Variants in NCEH1 observed in about 807,000 individuals in gnomAD.
NCEH1 encodes neutral cholesterol ester hydrolase 1, also known as 2-acetyl MAGE hydrolase.
In NCEH1, 9 loss-of-function variants were observed where a neutral mutation model predicts 25.4. That is an observed-to-expected ratio of 0.35 (90% CI 0.21 to 0.62). The LOEUF is 0.62. Ranked by LOEUF, NCEH1 falls within the 20% of genes least tolerant of loss-of-function variation. NCEH1 has a pLI of 0.72. For synonymous variants in NCEH1, 200 were observed against 199.8 expected (o/e 1.00, Z -0.01); for missense variants, 412 against 501.1 (o/e 0.82, Z 1.70).
rs754699748 is a variant in NCEH1, at chr3:172,648,149, G to A, written c.139-35C>T. 8.4e-5 allele frequency: 136 copies of A among 1,611,424 alleles called. 1 individual carries two copies. Among genetic ancestry groups the A allele is most frequent in the Admixed American group, 1.0e-4 (6 of 59,828 alleles). On this transcript the variant is annotated intron_variant, in intron 1 of 4. Transcript: ENST00000475381. The stretch of plus-strand genomic sequence containing the variant: ...GAGGGAGGAAATAAAGAGGGAGGGC[G>A]CACGTCAACTTGGCATCACCAGAGC...
chr3:172,670,615 G>A (rs1227373712), intron 1 of NCEH1, among the ~76,000 whole-genome samples: 1 of 152,126 alleles, frequency 6.6e-6, no homozygotes, highest in African/African-American at 2.4e-5. Context: ...ACATGCAAAT[G>A]AATAAAGCTA....
At chr3:172,656,085 T>C (rs991733688) in intron 1 of NCEH1, among the ~76,000 whole-genome samples, 1 of 152,176 alleles carries the variant, frequency 6.6e-6, no homozygotes, top group Non-Finnish European at 1.5e-5. Flanking sequence ...GGTGAACCTA[T>C]TAAGGACAGT....
chr3:172,658,840 CTTTTTT>C (rs33955977), intron 1 of NCEH1, among the ~76,000 whole-genome samples: 10 of 74,220 alleles, frequency 1.3e-4, no homozygotes, highest in Middle Eastern at 0.013. Flanking sequence ...AATTCCAAAA[CTTTTTT>C]TTTTTTTTTT....
chr3:172,706,554 A>AGTG (rs1445556923), intron 1 of NCEH1, among the ~76,000 whole-genome samples: 3 of 142,168 alleles, frequency 2.1e-5, no homozygotes, highest in Non-Finnish European at 4.5e-5. Flanking sequence ...GCTAGAGTGC[A>AGTG]GTGGCACCAT....
chr3:172,650,107 T>C (rs1228519771), intron 1 of NCEH1, among the ~76,000 whole-genome samples: 2 of 152,256 alleles, frequency 1.3e-5, no homozygotes, highest in East Asian at 3.8e-4. Context: ...CATCTCTCCA[T>C]GTTAGCTTAT....
At chr3:172,647,148 C>A (rs1346402758) in intron 2 of NCEH1, among the ~76,000 whole-genome samples, 1 of 151,886 alleles carries the variant, frequency 6.6e-6, no homozygotes, top group Non-Finnish European at 1.5e-5. Flanking sequence ...ATAAAAAAAA[C>A]AAGTTGCCAT....
At chr3:172,705,957 C>T (rs540490888) in intron 1 of NCEH1, among the ~76,000 whole-genome samples, 14 of 147,754 alleles carry the variant, frequency 9.5e-5, no homozygotes, top group African/African-American at 1.5e-4. Flanking sequence ...GAGATCACGC[C>T]ACTGCACTCC....
chr3:172,659,306 A>C (rs1717856889), intron 1 of NCEH1, among the ~76,000 whole-genome samples: 1 of 152,182 alleles, frequency 6.6e-6, no homozygotes, highest in Non-Finnish European at 1.5e-5. Flanking sequence ...AAGGCAGATT[A>C]ACAAGCAAGT....
At chr3:172,641,217 T>C (rs1281062203) in intron 3 of NCEH1, among the ~76,000 whole-genome samples, 2 of 135,828 alleles carry the variant, frequency 1.5e-5, no homozygotes, top group African/African-American at 3.0e-5. Context: ...TAAATGAGGA[T>C]ACATCTGCAA....
At chr3:172,653,744 G>GTTGTTGCTTTTTTTTTTTTTTT (rs1717534237) in intron 1 of NCEH1, among the ~76,000 whole-genome samples, 1 of 95,676 alleles carries the variant, frequency 1.0e-5, no homozygotes, top group African/African-American at 4.2e-5. Context: ...TGTTTTTTTT[G>GTTGTTGCTTTTTTTTTTTTTTT]TTTTTTTGTT....
intron 1 of NCEH1, among the ~76,000 whole-genome samples, chr3:172,663,836 A>G (rs1718082524): frequency 6.6e-6 from 1 of 151,638 alleles, no homozygotes; most frequent in Non-Finnish European, 1.5e-5. Flanking sequence ...CCATCCCTTT[A>G]TTTTGAGCCT....
At chr3:172,672,186 T>C (rs1711673700) in intron 1 of NCEH1, among the ~76,000 whole-genome samples, 1 of 152,198 alleles carries the variant, frequency 6.6e-6, no homozygotes, top group African/African-American at 2.4e-5. Flanking sequence ...CAGTGCTGAG[T>C]ACCAAGTTTC....
chr3:172,683,903 T>C (rs1268604049), intron 1 of NCEH1, among the ~76,000 whole-genome samples: 2 of 151,894 alleles, frequency 1.3e-5, no homozygotes, highest in African/African-American at 4.9e-5. Flanking sequence ...ACCACAGTAG[T>C]GTTACTTAAT....
chr3:172,651,530 T>C (rs138696681), intron 1 of NCEH1, among the ~76,000 whole-genome samples: 1 of 152,220 alleles, frequency 6.6e-6, no homozygotes, highest in East Asian at 1.9e-4. Context: ...TTCCTTCCTT[T>C]GGATTTTTAA....
At chr3:172,688,344 A>AAG (rs1712818375) in intron 1 of NCEH1, among the ~76,000 whole-genome samples, 1 of 151,214 alleles carries the variant, frequency 6.6e-6, no homozygotes, top group Non-Finnish European at 1.5e-5. Flanking sequence ...AAAAAAAAAA[A>AAG]AAAAAAAAGA....
chr3:172,652,951 C>T (rs568299161), intron 1 of NCEH1, among the ~76,000 whole-genome samples: 5 of 152,090 alleles, frequency 3.3e-5, no homozygotes, highest in South Asian at 4.2e-4. Flanking sequence ...GTGATCCACC[C>T]GTCTTGGCCT....
chr3:172,705,377 G>C (rs1713915179), intron 1 of NCEH1, among the ~76,000 whole-genome samples: 1 of 152,168 alleles, frequency 6.6e-6, no homozygotes, highest in South Asian at 2.1e-4. Flanking sequence ...GCCCAACCCA[G>C]TGATTTGTTC....
At chr3:172,700,894 A>C (rs909980560) in intron 1 of NCEH1, among the ~76,000 whole-genome samples, 1 of 152,220 alleles carries the variant, frequency 6.6e-6, no homozygotes, top group Admixed American at 6.5e-5. Context: ...AGGTGATATT[A>C]GTAAAAACCT....
At chr3:172,646,694 C>T in intron 2 of NCEH1, among the ~76,000 whole-genome samples, 1 of 152,156 alleles carries the variant, frequency 6.6e-6, no homozygotes, top group Middle Eastern at 3.2e-3. Context: ...TGCTCAAGTT[C>T]TTCCTCAGGC....
Sources: gnomAD v4.1 joint callset for allele counts (sites outside exome capture counted in the v4.1 genomes callset) on GRCh38, gnomAD v4.1.1 for gene constraint, MANE v1.5 for transcripts, NCBI Gene and HGNC (gene_info 2026-07-23, HGNC 2026-07-21) for gene names.